PTPRN2: variants seen among roughly 807,000 people sequenced by gnomAD.
The protein encoded by PTPRN2 is receptor-type tyrosine-protein phosphatase N2.
In PTPRN2, 74 loss-of-function variants were observed where a neutral mutation model predicts 118.8. The observed-to-expected ratio is 0.62, with a 90% confidence interval of 0.52 to 0.76. The LOEUF (loss-of-function observed/expected upper bound fraction) is 0.76. Among genes scored for constraint, PTPRN2 ranks in the 30% least tolerant of loss-of-function variants. The pLI, the probability that PTPRN2 is intolerant of heterozygous loss-of-function variation, is 0.00. For synonymous variants in PTPRN2, 641 were observed against 608.0 expected, an observed-to-expected ratio of 1.05 and a Z score of -0.80; for missense variants, 1,481 against 1,394.4, an observed-to-expected ratio of 1.06 and a Z score of -0.99.
rs1442279293 is a variant in PTPRN2 at position 157,603,543 on chromosome 7, T to A, written c.2418+459A>T. ...CTCTTTCATAAGAAACAGGGTCCCATTCACTGGAAATACTTCAGGAAAACG... is the reference window on the plus strand; with the variant it reads ...CTCTTTCATAAGAAACAGGGTCCCAATCACTGGAAATACTTCAGGAAAACG... On this transcript the variant is annotated intron_variant, in intron 16 of 22. Coordinates refer to ENST00000389418, the MANE Select transcript of PTPRN2 (RefSeq NM_002847.5). The surrounding 1 kb of genome is among the most constrained non-coding windows in gnomAD (Gnocchi z 5.4). Among the ~76,000 whole-genome samples, 2 of 152,162 alleles carry A rather than the reference T, an allele frequency of 1.3e-5. No individual in the cohort carries two copies. Among genetic ancestry groups the A allele is most frequent in the Non-Finnish European group, 2.9e-5 (2 of 68,032 alleles).
intron 2 of PTPRN2, among the ~76,000 whole-genome samples, chr7:158,388,963 A>T (rs1406861361): frequency 1.3e-5 from 2 of 152,234 alleles, no homozygotes; most frequent in East Asian, 3.9e-4. Context: ...GATCTGAAGG[A>T]ATAGGTCAAC....
chr7:157,907,414 G>A (rs1797835953), intron 11 of PTPRN2, among the ~76,000 whole-genome samples: 1 of 150,962 alleles, frequency 6.6e-6, no homozygotes, highest in Non-Finnish European at 1.5e-5. Flanking sequence ...CATGTGGGGT[G>A]TCCCGGGTGG....
chr7:158,292,788 C>G (rs1483513624), intron 3 of PTPRN2, among the ~76,000 whole-genome samples: 1 of 152,204 alleles, frequency 6.6e-6, no homozygotes, highest in Non-Finnish European at 1.5e-5. Context: ...TAAAAATGGG[C>G]CGGGCATGGT....
chr7:158,253,663 A>C (rs2150902117), intron 3 of PTPRN2, among the ~76,000 whole-genome samples: 1 of 152,342 alleles, frequency 6.6e-6, no homozygotes, highest in South Asian at 2.1e-4. Flanking sequence ...TGCGGCACAC[A>C]GGCGAGGCAA....
chr7:158,508,515 G>C (rs1448427126), intron 1 of PTPRN2, among the ~76,000 whole-genome samples: 1 of 152,152 alleles, frequency 6.6e-6, no homozygotes, highest in East Asian at 1.9e-4. Context: ...GAACACAGGA[G>C]CTACCCAGCT....
intron 2 of PTPRN2, among the ~76,000 whole-genome samples, chr7:158,317,999 G>C (rs1802482959): frequency 6.6e-6 from 1 of 152,222 alleles, no homozygotes; most frequent in Non-Finnish European, 1.5e-5. Context: ...TGCGCGGGCG[G>C]GCGGACAATG....
intron 3 of PTPRN2, among the ~76,000 whole-genome samples, chr7:158,210,949 A>G (rs1169991837): frequency 1.3e-5 from 2 of 152,204 alleles, no homozygotes; most frequent in Admixed American, 1.3e-4. Flanking sequence ...TTCCAAATTC[A>G]TTCCATTAAG....
In PTPRN2 at chr7:158,250,575, T is replaced by TC. The variant is rs567086460; in HGVS notation, c.278-45303dup. 3.2e-4 allele frequency among the ~76,000 whole-genome samples: 48 copies of TC among 150,872 alleles called. No homozygotes were observed. The East Asian group carries it at 8.4e-3, about 26-fold the overall frequency. On this transcript the variant is annotated intron_variant, in intron 3 of 22. Transcript: ENST00000389418. ...ATGCACACACACACGTACACACACA[T>TC]CCCCCCCACATCCACACAGAAACAG... is the stretch of plus-strand genomic sequence containing the variant.
rs541313588 is a variant in PTPRN2 at position 158,093,817 on chromosome 7, GGAA to G, written c.1644-12443_1644-12441del. Reference sequence around the variant, plus strand: ...ATCTAGCCTAAGAGCTTACAAAGGAGGAAGAAGAGAGAACCAATTCTTATTTGA... The same window carrying G: ...ATCTAGCCTAAGAGCTTACAAAGGAGGAAGAGAGAACCAATTCTTATTTGA... On this transcript the variant is annotated intron_variant, in intron 10 of 22. Coordinates refer to ENST00000389418, the MANE Select transcript of PTPRN2 (RefSeq NM_002847.5). The surrounding 1 kb of genome is among the most constrained non-coding windows in gnomAD (Gnocchi z 4.4). Among the ~76,000 whole-genome samples the G allele has an allele frequency of 2.2e-3, 339 of 152,268 alleles. 5 individuals carry two copies. Among genetic ancestry groups the G allele is most frequent in the African/African-American group, 7.8e-3 (323 of 41,550 alleles).
chr7:158,478,068 G>A (rs1195184533), intron 2 of PTPRN2, among the ~76,000 whole-genome samples: 1 of 152,256 alleles, frequency 6.6e-6, no homozygotes, highest in Non-Finnish European at 1.5e-5. Flanking sequence ...GAGCCAAGGG[G>A]TGGTAGGCAG....
intron 2 of PTPRN2, among the ~76,000 whole-genome samples, chr7:158,457,880 T>A (rs1385795294): frequency 6.6e-6 from 1 of 152,196 alleles, no homozygotes; most frequent in Non-Finnish European, 1.5e-5. Context: ...CAAAACTCCT[T>A]CCAAGTTCAT....
chr7:158,206,057 C>T (rs1381970074), intron 3 of PTPRN2, among the ~76,000 whole-genome samples: 3 of 152,144 alleles, frequency 2.0e-5, no homozygotes, highest in Admixed American at 1.3e-4. Context: ...CTTGTAGCCA[C>T]TGGACTTGGG....
intron 3 of PTPRN2, among the ~76,000 whole-genome samples, chr7:158,236,790 C>CCACTT (rs1585931104): frequency 1.4e-5 from 1 of 69,818 alleles, no homozygotes; most frequent in Non-Finnish European, 2.7e-5. Flanking sequence ...GACCACTCTG[C>CCACTT]TGTGGGGAAA....
intron 3 of PTPRN2, among the ~76,000 whole-genome samples, chr7:158,276,773 A>G (rs1319593816): frequency 6.6e-6 from 1 of 152,202 alleles, no homozygotes; most frequent in Non-Finnish European, 1.5e-5. Flanking sequence ...ATGGCTGGGA[A>G]GGACGTCGGC....
intron 11 of PTPRN2, among the ~76,000 whole-genome samples, chr7:157,901,170 G>C (rs1797414472): frequency 6.6e-6 from 1 of 152,216 alleles, no homozygotes; most frequent in South Asian, 2.1e-4. Flanking sequence ...CAGGAGTTAA[G>C]AGAGCGAGAA....
chr7:157,854,814 G>A (rs1584875320), intron 12 of PTPRN2: 3 of 158,238 alleles, frequency 1.9e-5, no homozygotes, highest in South Asian at 3.1e-4. Flanking sequence ...CAGACAGGAC[G>A]TTTCACAGAG....
In PTPRN2 at chr7:157,674,546, C is replaced by T. The variant is rs987707601; in HGVS notation, c.2001+8179G>A. Among the ~76,000 whole-genome samples, 4 of 152,160 alleles carry T rather than the reference C, an allele frequency of 2.6e-5. No individual in the cohort carries two copies. Among genetic ancestry groups the T allele is most frequent in the African/African-American group, 4.8e-5 (2 of 41,430 alleles). On this transcript the variant is annotated intron_variant, in intron 13 of 22. Transcript: ENST00000389418. This position sits in a 1 kb window ranked among gnomAD's most constrained non-coding sequence, Gnocchi z 4.5. Reference sequence around the variant, plus strand: ...CGCAGCGTCTTGCCTCCTTTTATGCCGGTGTACGTGTTGTGTTAAGAGCTG... The same window carrying T: ...CGCAGCGTCTTGCCTCCTTTTATGCTGGTGTACGTGTTGTGTTAAGAGCTG...
At chr7:157,857,332 A>C (rs1472881638) in intron 12 of PTPRN2, 1 of 152,064 alleles carries the variant, frequency 6.6e-6, no homozygotes, top group Admixed American at 6.5e-5. Flanking sequence ...CGTGCGCCTC[A>C]TGGCCACATC....
At chr7:157,855,645 A>G (rs1030662784) in intron 12 of PTPRN2, among the ~76,000 whole-genome samples, 1 of 152,176 alleles carries the variant, frequency 6.6e-6, no homozygotes, top group Non-Finnish European at 1.5e-5. Flanking sequence ...CACTGCATAG[A>G]GCACATCCCG....
Sources: gnomAD v4.1 joint callset for allele counts (sites outside exome capture counted in the v4.1 genomes callset) on GRCh38, gnomAD v4.1.1 for gene constraint, Gnocchi (gnomAD v3.1) non-coding constraint, MANE v1.5 for transcripts, NCBI Gene and HGNC (gene_info 2026-07-23, HGNC 2026-07-21) for gene names.